KAZN: variants seen among roughly 807,000 people sequenced by gnomAD.
The protein encoded by KAZN is kazrin.
KAZN carries 40 observed loss-of-function variants against 87.4 expected under a neutral mutation model. The observed-to-expected ratio is 0.46, with a 90% confidence interval of 0.36 to 0.60. KAZN has a LOEUF of 0.60. Among genes scored for constraint, KAZN ranks in the 20% least tolerant of loss-of-function variants. The probability of loss-of-function intolerance (pLI) is 0.00; values close to 1 mark genes in which losing one functional copy is unlikely to be tolerated. For missense variants in KAZN, 898 were observed against 1,073.9 expected, an observed-to-expected ratio of 0.84 and a Z score of 2.29; for synonymous variants, 466 against 458.3, an observed-to-expected ratio of 1.02 and a Z score of -0.22.
intron 1 of KAZN, among the ~76,000 whole-genome samples, chr1:14,925,997 C>T (rs1659130627): frequency 6.6e-6 from 1 of 152,120 alleles, no homozygotes; most frequent in Non-Finnish European, 1.5e-5. Flanking sequence ...ATAATAGTAC[C>T]AACTAAAGAT....
At chr1:14,095,519 A>T (rs1644107202) in intron 1 of KAZN, among the ~76,000 whole-genome samples, 1 of 152,078 alleles carries the variant, frequency 6.6e-6, no homozygotes, top group Admixed American at 6.5e-5. Flanking sequence ...GGATTTCTCT[A>T]CTCCACAATG....
intron 13 of KAZN, among the ~76,000 whole-genome samples, chr1:15,105,155 A>T (rs1002096091): frequency 5.3e-5 from 8 of 152,188 alleles, no homozygotes; most frequent in African/African-American, 1.7e-4. Flanking sequence ...TGATTTTGGT[A>T]TCAGGGTAAT....
intron 1 of KAZN, among the ~76,000 whole-genome samples, chr1:14,774,007 A>C (rs1249039233): frequency 1.3e-5 from 2 of 152,180 alleles, no homozygotes; most frequent in Non-Finnish European, 2.9e-5. Context: ...TGTTCACCTG[A>C]GCTGCCGCCA....
intron 1 of KAZN, among the ~76,000 whole-genome samples, chr1:14,914,868 T>TACTTACATAGTACTGGC: frequency 6.6e-6 from 1 of 152,212 alleles, no homozygotes; most frequent in Non-Finnish European, 1.5e-5. Context: ...ATAGTACTGG[T>TACTTACATAGTACTGGC]ACTTACATAG....
At chr1:14,665,693 C>T (rs536057331) in intron 1 of KAZN, among the ~76,000 whole-genome samples, 58 of 152,180 alleles carry the variant, frequency 3.8e-4, no homozygotes, top group South Asian at 2.1e-4. Context: ...TACCTCCTAA[C>T]GATTCAGTTA....
chr1:14,365,912 A>G (rs571716948), intron 2 of KAZN, among the ~76,000 whole-genome samples: 1 of 152,356 alleles, frequency 6.6e-6, no homozygotes, highest in African/African-American at 2.4e-5. Flanking sequence ...ATAACGACTC[A>G]AAATTTCGCC....
At chr1:14,096,122 A>G (rs947606402) in intron 1 of KAZN, among the ~76,000 whole-genome samples, 1 of 152,226 alleles carries the variant, frequency 6.6e-6, no homozygotes, top group African/African-American at 2.4e-5. Context: ...TAAGAAGGCA[A>G]TAATCAAGGG....
chr1:13,966,387 C>G (rs936140049), intron 1 of KAZN, among the ~76,000 whole-genome samples: 2 of 152,112 alleles, frequency 1.3e-5, no homozygotes, highest in African/African-American at 4.8e-5. Flanking sequence ...CTGGCTCTGA[C>G]CTGTCTTTAC....
chr1:13,899,771 G>A (rs576577487), intron 1 of KAZN, among the ~76,000 whole-genome samples: 1 of 151,956 alleles, frequency 6.6e-6, no homozygotes, highest in East Asian at 1.9e-4. Flanking sequence ...AGCCTCCTGA[G>A]TAGCTGGGAT....
At chr1:15,062,685 G>A (rs1269009707) in intron 6 of KAZN, 2 of 152,400 alleles carry the variant, frequency 1.3e-5, no homozygotes, top group African/African-American at 4.8e-5. Context: ...AGTCTCCCTA[G>A]TAATGACTGT....
intron 1 of KAZN, among the ~76,000 whole-genome samples, chr1:13,936,533 C>T (rs1640751149): frequency 3.9e-5 from 6 of 152,190 alleles, no homozygotes; most frequent in Admixed American, 3.9e-4. Context: ...TCCCACTCTT[C>T]CACCTTTTGG....
At chr1:14,369,733 G>A (rs1557668822) in intron 2 of KAZN, among the ~76,000 whole-genome samples, 2 of 152,190 alleles carry the variant, frequency 1.3e-5, no homozygotes, top group Non-Finnish European at 2.9e-5. Context: ...CACAGCCCTT[G>A]TGCCAGTTAT....
At chr1:14,665,300 T>TTTTA (rs1304896804) in intron 1 of KAZN, among the ~76,000 whole-genome samples, 218 of 152,106 alleles carry the variant, frequency 1.4e-3, no homozygotes, top group Non-Finnish European at 1.6e-3. Flanking sequence ...TCTTTTTTTT[T>TTTTA]TTATTACTGC....
In KAZN at chr1:14,579,271, T is replaced by A. The variant is rs1557812753; in HGVS notation, c.250-19712T>A. ...CTATGAGATAAAATGAGAGGAGAAATGCAAGGTAGTTAGTACAATTTCTGA... is the reference window on the plus strand; with the variant it reads ...CTATGAGATAAAATGAGAGGAGAAAAGCAAGGTAGTTAGTACAATTTCTGA... On this transcript the variant is annotated intron_variant, in intron 2 of 16. Coordinates refer to the KAZN transcript ENST00000636203. Among the ~76,000 whole-genome samples the A allele has an allele frequency of 5.3e-5, 8 of 152,252 alleles. No homozygotes were observed. In the South Asian group the frequency reaches 1.7e-3, roughly 32 times the overall value.
chr1:14,514,155 C>CT (rs1476044023), intron 2 of KAZN, among the ~76,000 whole-genome samples: 2 of 142,066 alleles, frequency 1.4e-5, no homozygotes, highest in African/African-American at 5.3e-5. Context: ...CCCGTCTCTA[C>CT]TAAAAAAAAA....
intron 2 of KAZN, among the ~76,000 whole-genome samples, chr1:14,196,173 G>T (rs1016466130): frequency 6.6e-6 from 1 of 152,202 alleles, no homozygotes; most frequent in Non-Finnish European, 1.5e-5. Context: ...GAGCAAGGGT[G>T]AGAGTTCCAG....
intron 1 of KAZN, among the ~76,000 whole-genome samples, chr1:14,745,944 G>T (rs529513516): frequency 4.6e-5 from 7 of 152,226 alleles, no homozygotes; most frequent in African/African-American, 1.7e-4. Flanking sequence ...TGGCATCCCC[G>T]GGGTAAATTG....
At chr1:14,932,775 C>G (rs550727566) in intron 1 of KAZN, among the ~76,000 whole-genome samples, 1 of 144,612 alleles carries the variant, frequency 6.9e-6, no homozygotes, top group Non-Finnish European at 1.5e-5. Context: ...GTTCAGAACC[C>G]TGCACTTTTT....
intron 2 of KAZN, among the ~76,000 whole-genome samples, chr1:14,423,510 C>A (rs761267070): frequency 5.9e-5 from 9 of 152,120 alleles, no homozygotes; most frequent in Non-Finnish European, 1.0e-4. Flanking sequence ...CTATCCAGAA[C>A]CCAGCTTTTG....
Sources: gnomAD v4.1 joint callset for allele counts (sites outside exome capture counted in the v4.1 genomes callset) on GRCh38, gnomAD v4.1.1 for gene constraint, MANE v1.5 for transcripts, NCBI Gene and HGNC (gene_info 2026-07-23, HGNC 2026-07-21) for gene names.